Variants in ALDH1A2 observed in about 807,000 individuals in gnomAD.
The protein encoded by ALDH1A2 is retinal dehydrogenase 2.
In ALDH1A2, 27 loss-of-function variants were observed where a neutral mutation model predicts 60.3. The observed-to-expected ratio is 0.45, with a 90% confidence interval of 0.33 to 0.62. The LOEUF (loss-of-function observed/expected upper bound fraction) is 0.62. Ranked by LOEUF, ALDH1A2 falls within the 20% of genes least tolerant of loss-of-function variation. ALDH1A2 has a pLI of 0.02. For synonymous variants in ALDH1A2, 289 were observed against 232.4 expected (o/e 1.24, Z -2.21); for missense variants, 581 against 643.8 (o/e 0.90, Z 1.06).
At chr15:58,063,381 A>G (rs1468356963) in intron 1 of ALDH1A2, among the ~76,000 whole-genome samples, 1 of 152,210 alleles carries the variant, frequency 6.6e-6, no homozygotes, top group African/African-American at 2.4e-5. Flanking sequence ...TCACTATGCT[A>G]AAGGACTGTC....
rs1893448527 is a variant in ALDH1A2 at position 57,954,444 on chromosome 15, T to C, written c.*753A>G. 6.5e-6 allele frequency: 1 copy of C among 152,856 alleles called. No homozygotes were observed. The highest frequency in any genetic ancestry group is 6.5e-5 in the Admixed American group (1 of 15,302). The allele number at this position is 152,856 out of a possible 1,614,324, so 9.5% of individuals were successfully genotyped here. A position where few individuals can be genotyped will look rare whatever the true frequency, so the allele number is the denominator to read the frequency against. ...TTATTCCAGAATAACTGAGAAGGAA[T>C]CTAATACACACACACCCCAAAACTG... On this transcript the variant is annotated 3_prime_UTR_variant, in exon 13 of 13. Transcript: ENST00000249750.
intron 5 of ALDH1A2, among the ~76,000 whole-genome samples, chr15:57,993,627 A>C (rs1469438436): frequency 6.6e-6 from 1 of 152,194 alleles, no homozygotes; most frequent in Non-Finnish European, 1.5e-5. Context: ...AAAAATTTTC[A>C]TTTGTCTCTT....
intron 12 of ALDH1A2, among the ~76,000 whole-genome samples, chr15:57,957,159 T>C (rs1555398229): frequency 6.6e-6 from 1 of 152,136 alleles, no homozygotes; most frequent in Non-Finnish European, 1.5e-5. Context: ...GCACTGAAGC[T>C]GGGGTCAGAG....
In ALDH1A2 at chr15:58,010,635, C is replaced by T. The variant is rs1462303250; in HGVS notation, c.493+14G>A. On this transcript the variant is annotated intron_variant, in intron 4 of 12. Transcript: ENST00000249750. ...TTCACGTTTTCCTTTTCAACGTACT[C>T]AGATTTCACATACCTACAGGAATGG... The T allele has an allele frequency of 1.2e-6, 2 of 1,611,926 alleles. No individual in the cohort carries two copies. The highest frequency in any genetic ancestry group is 1.7e-6 in the Non-Finnish European group (2 of 1,178,530).
chr15:58,062,864 T>C (rs1423862794), intron 1 of ALDH1A2, among the ~76,000 whole-genome samples: 5 of 152,222 alleles, frequency 3.3e-5, no homozygotes, highest in African/African-American at 4.8e-5. Context: ...AAAAATGGAA[T>C]GTAACTGCCT....
chr15:57,975,031 T>C (rs1169972679), intron 7 of ALDH1A2, among the ~76,000 whole-genome samples: 6 of 152,234 alleles, frequency 3.9e-5, no homozygotes, highest in Non-Finnish European at 7.3e-5. Context: ...ATATACCTAT[T>C]TGAATGGCTA....
chr15:58,040,183 A>G (rs1482742299), intron 1 of ALDH1A2, among the ~76,000 whole-genome samples: 3 of 151,942 alleles, frequency 2.0e-5, no homozygotes, highest in Non-Finnish European at 4.4e-5. Context: ...GCCTGACAGA[A>G]GCCAACAGAA....
intron 7 of ALDH1A2, among the ~76,000 whole-genome samples, chr15:57,971,625 A>G (rs1363241580): frequency 6.6e-6 from 1 of 152,040 alleles, no homozygotes; most frequent in East Asian, 1.9e-4. Flanking sequence ...GGGTCTCACT[A>G]TGTTGACCAG....
intron 7 of ALDH1A2, chr15:57,979,650 G>T: frequency 5.5e-6 from 1 of 183,174 alleles, no homozygotes. Context: ...AAAAAAAGAT[G>T]AAAACACAGA....
chr15:58,003,832 T>G (rs766436578), intron 4 of ALDH1A2, among the ~76,000 whole-genome samples: 1 of 151,914 alleles, frequency 6.6e-6, no homozygotes, highest in African/African-American at 2.4e-5. Context: ...CCATAGGTCA[T>G]AGTAATGATT....
chr15:57,961,876 T>C (rs1286267364), intron 10 of ALDH1A2, 136 bp downstream of exon 10: 1 of 1,242,256 alleles, frequency 8.0e-7, no homozygotes, highest in African/African-American at 1.5e-5. Context: ...GGAATTTTCA[T>C]AGCCATGTTC....
At chr15:58,018,363 T>A (rs1180517672) in intron 1 of ALDH1A2, among the ~76,000 whole-genome samples, 1 of 152,098 alleles carries the variant, frequency 6.6e-6, no homozygotes. Context: ...AAATGTGGGA[T>A]AAGGAGGCGC....
chr15:58,038,231 T>C (rs1046602494), intron 1 of ALDH1A2, among the ~76,000 whole-genome samples: 6 of 151,754 alleles, frequency 4.0e-5, no homozygotes, highest in Non-Finnish European at 8.9e-5. Context: ...CTTAAATTTC[T>C]GTATTTTCTT....
intron 7 of ALDH1A2, among the ~76,000 whole-genome samples, chr15:57,976,837 C>T (rs114788520): frequency 0.014 from 2,133 of 152,240 alleles, 25 homozygotes; most frequent in African/African-American, 0.033. Context: ...GAGGAATTGC[C>T]ACCATCTTCC....
chr15:57,994,757 A>G (rs1487516870), intron 5 of ALDH1A2, among the ~76,000 whole-genome samples: 1 of 152,136 alleles, frequency 6.6e-6, no homozygotes, highest in Non-Finnish European at 1.5e-5. Context: ...AAAATAAACA[A>G]CTATAACAAA....
At chr15:58,064,850 G>T (rs35365571) in intron 1 of ALDH1A2, among the ~76,000 whole-genome samples, 356 of 147,476 alleles carry the variant, frequency 2.4e-3, no homozygotes, top group Non-Finnish European at 3.6e-3. Context: ...AGATGTCAAC[G>T]TTCGTTATAA....
At chr15:57,994,185 G>T (rs1009868645) in intron 5 of ALDH1A2, among the ~76,000 whole-genome samples, 2 of 152,172 alleles carry the variant, frequency 1.3e-5, no homozygotes, top group Non-Finnish European at 2.9e-5. Context: ...GTCCAAGTAG[G>T]ATTTCCCCAG....
intron 7 of ALDH1A2, among the ~76,000 whole-genome samples, chr15:57,966,999 GT>G (rs1315486339): frequency 3.3e-5 from 5 of 152,184 alleles, no homozygotes. Flanking sequence ...AATGTTATTT[GT>G]TCCTGAAATT....
Position 57,987,066 on chromosome 15 carries a change from A to G in ALDH1A2, c.798+5639T>C, listed in dbSNP as rs143575030. Reference sequence around the variant, plus strand: ...AATCATGGAATTTCTAGAACTTAACAAAATCTCTGAAGCAGATTAAGCATT... The same window carrying G: ...AATCATGGAATTTCTAGAACTTAACGAAATCTCTGAAGCAGATTAAGCATT... On this transcript the variant is annotated intron_variant, in intron 7 of 12. Coordinates refer to ENST00000249750, the MANE Select transcript of ALDH1A2 (RefSeq NM_003888.4). 3.7e-3 allele frequency among the ~76,000 whole-genome samples: 557 copies of G among 152,226 alleles called. 6 individuals carry two copies. Among genetic ancestry groups the G allele is most frequent in the African/African-American group, 0.012 (515 of 41,470 alleles).
Sources: gnomAD v4.1 joint callset for allele counts (sites outside exome capture counted in the v4.1 genomes callset) on GRCh38, gnomAD v4.1.1 for gene constraint, MANE v1.5 for transcripts, NCBI Gene and HGNC (gene_info 2026-07-23, HGNC 2026-07-21) for gene names.